BBS4: variants seen among roughly 807,000 people sequenced by gnomAD.
BBS4 encodes the protein Bardet-Biedl syndrome 4, also known as BBSome complex member BBS4.
A neutral mutation model predicts 71.4 loss-of-function variants in BBS4; 58 were observed. The observed-to-expected ratio is 0.81, with a 90% CI of 0.66 to 1.01. BBS4 has a LOEUF of 1.01. BBS4 is among the 50% of genes least tolerant of loss of function. The probability of loss-of-function intolerance (pLI) is 0.00; values close to 1 mark genes in which losing one functional copy is unlikely to be tolerated. For missense variants in BBS4, 660 were observed against 607.9 expected (o/e 1.09, Z -0.90); for synonymous variants, 228 against 216.8 (o/e 1.05, Z -0.46).
intron 3 of BBS4, 81 bp downstream of exon 3, chr15:72,709,860 C>T: frequency 1.8e-6 from 2 of 1,115,610 alleles, no homozygotes; most frequent in Non-Finnish European, 2.7e-6. Flanking sequence ...CAGAGTGTGG[C>T]AGTTTATATC....
chr15:72,720,704 T>G (rs1179933034), intron 6 of BBS4, among the ~76,000 whole-genome samples: 1 of 151,962 alleles, frequency 6.6e-6, no homozygotes, highest in African/African-American at 2.4e-5. Flanking sequence ...AGGTAGTTGC[T>G]GAGCCAGAAC....
intron 1 of BBS4, among the ~76,000 whole-genome samples, chr15:72,688,555 A>G (rs535786470): frequency 1.3e-4 from 20 of 151,516 alleles, no homozygotes; most frequent in African/African-American, 4.8e-4. Flanking sequence ...CTGGGGTTAC[A>G]GGCCCTCACC....
At chr15:72,709,556 A>G (rs2065328019) in intron 2 of BBS4, 144 bp from the exon 3 acceptor site, 6 of 672,546 alleles carry the variant, frequency 8.9e-6, no homozygotes, top group Admixed American at 2.4e-5. Flanking sequence ...TTTTTGATGC[A>G]CTATAATATA....
Position 72,698,452 on chromosome 15 carries a change from C to G in BBS4, c.76+3224C>G, listed in dbSNP as rs116489171. ...CTATTTTCTGTATCTATGAATTTGACTATTCTAGGTTTTTCATGTAAGGTG... is the reference window on the plus strand; with the variant it reads ...CTATTTTCTGTATCTATGAATTTGAGTATTCTAGGTTTTTCATGTAAGGTG... On this transcript the variant is annotated intron_variant, in intron 2 of 15. Coordinates refer to ENST00000268057, the MANE Select transcript of BBS4 (RefSeq NM_033028.5). Among the ~76,000 whole-genome samples the G allele has an allele frequency of 4.4e-3, 673 of 152,230 alleles. 8 individuals are homozygous for G. The highest frequency in any genetic ancestry group is 0.015 in the African/African-American group (631 of 41,538).
Position 72,716,720 on chromosome 15 carries a change from T to C in BBS4, c.333-58T>C. On this transcript the variant is annotated intron_variant, in intron 5 of 15. Transcript: ENST00000268057. The stretch of plus-strand genomic sequence containing the variant: ...AAATATGATTAAAATGTGGGACTAG[T>C]AGGGTTAGTCTTCTAAGAATTTTGA... The C allele has an allele frequency of 6.6e-6, 8 of 1,204,298 alleles. No homozygotes were observed. The South Asian group carries it at 7.6e-5, about 11-fold the overall frequency. The allele number at this position is 1,204,298 out of a possible 1,614,324, so 74.6% of individuals were successfully genotyped here.
intron 6 of BBS4, among the ~76,000 whole-genome samples, chr15:72,718,546 T>C (rs1271694435): frequency 6.6e-6 from 1 of 152,322 alleles, no homozygotes; most frequent in East Asian, 1.9e-4. Context: ...GTGTGTTCAA[T>C]TTGTTAGTCG....
At chr15:72,735,006 T>C (rs1595951834) in intron 12 of BBS4, 107 bp from the exon 13 acceptor site, 2 of 787,278 alleles carry the variant, frequency 2.5e-6, no homozygotes, top group East Asian at 5.1e-5. Context: ...CTTAGTAAAC[T>C]CTGGTGCCAT....
At chr15:72,734,945 T>C (rs1431085465) in intron 12 of BBS4, 168 bp from the exon 13 acceptor site, 1 of 644,288 alleles carries the variant, frequency 1.6e-6, no homozygotes, top group East Asian at 2.9e-5. Context: ...ACCTGGCAAC[T>C]GATTGACTGT....
intron 1 of BBS4, among the ~76,000 whole-genome samples, chr15:72,694,486 T>C (rs1187247111): frequency 6.6e-6 from 1 of 152,228 alleles, no homozygotes; most frequent in African/African-American, 2.4e-5. Context: ...AATCTGGTGA[T>C]ATGTTTTCTT....
chr15:72,688,474 C>A (rs139834553), intron 1 of BBS4, among the ~76,000 whole-genome samples: 1 of 122,308 alleles, frequency 8.2e-6, no homozygotes, highest in Non-Finnish European at 1.6e-5. Context: ...AGTGCAGTGG[C>A]GTGATCTCAG....
chr15:72,713,454 T>C (rs1315930467), intron 4 of BBS4, among the ~76,000 whole-genome samples: 2 of 152,156 alleles, frequency 1.3e-5, no homozygotes, highest in African/African-American at 4.8e-5. Context: ...ATAACATACA[T>C]GGAGCTGTCA....
At chr15:72,725,053 TATATAGAGAG>T (rs961544574) in intron 8 of BBS4, among the ~76,000 whole-genome samples, 27 of 102,876 alleles carry the variant, frequency 2.6e-4, no homozygotes, top group Admixed American at 5.4e-4. Context: ...TATATATATA[TATATAGAGAG>T]AGAGAGAGAG....
Position 72,686,233 on chromosome 15 carries a change from TGAG to T in BBS4, c.10_12del (p.Glu4del). On this transcript the variant is annotated inframe_deletion, in exon 1 of 16. Coordinates refer to ENST00000268057, the MANE Select transcript of BBS4 (RefSeq NM_033028.5). ...CAGCGGTGGGCTGAGCTAAAATGGC[TGAG>T]GAGAGAGTCGCGACGGTGAGCGCCG... is the stretch of plus-strand genomic sequence containing the variant. 1 of 1,565,612 alleles carries T rather than the reference TGAG, an allele frequency of 6.4e-7. No individual in the cohort carries two copies. Among genetic ancestry groups the T allele is most frequent in the Admixed American group, 1.9e-5 (1 of 53,246 alleles).
chr15:72,730,400 C>T (rs1291217976), intron 10 of BBS4, among the ~76,000 whole-genome samples: 1 of 152,066 alleles, frequency 6.6e-6, no homozygotes, highest in Non-Finnish European at 1.5e-5. Flanking sequence ...AGTTCAAGAC[C>T]AGGCTGGGCC....
rs567166098 is a variant in BBS4 at position 72,736,757 on chromosome 15, A to G, written c.1249-5A>G. 1 of 1,614,176 alleles carries G rather than the reference A, an allele frequency of 6.2e-7. No homozygotes were observed. Among genetic ancestry groups the G allele is most frequent in the South Asian group, 1.1e-5 (1 of 91,080 alleles). On this transcript the variant is annotated splice_polypyrimidine_tract_variant and splice_region_variant and intron_variant, in intron 14 of 15. Coordinates refer to ENST00000268057, the MANE Select transcript of BBS4 (RefSeq NM_033028.5). ...TGATTCTTTTACTTCCTTTGTGGAC[A>G]CAAGATGGTGGAGATGGCTCAGAAG... is the stretch of plus-strand genomic sequence containing the variant.
intron 1 of BBS4, among the ~76,000 whole-genome samples, chr15:72,688,134 T>C (rs1452521895): frequency 6.6e-6 from 1 of 150,702 alleles, no homozygotes; most frequent in Non-Finnish European, 1.5e-5. Flanking sequence ...GCTACAAATA[T>C]AGCTTATCCT....
At chr15:72,712,509 A>T (rs563168006) in intron 4 of BBS4, among the ~76,000 whole-genome samples, 9 of 152,368 alleles carry the variant, frequency 5.9e-5, no homozygotes, top group South Asian at 2.1e-4. Flanking sequence ...ACATAGATGG[A>T]TGATATAGTG....
chr15:72,736,905 T>C lies in BBS4; in HGVS notation c.1392T>C (p.Ser464=). The change falls in exon 15 of 16, where the codon TCT becomes TCC. Residue 464 remains serine (S), a synonymous_variant. Transcript: ENST00000268057. ...CCAGTTTCCAGCAGCCTCTGGGCTC[T>C]AATCAAGCTCTAGGACAGGCAATGT... The part of the protein sequence containing the change: ...KPASFQQPLG[S]NQALGQAMSS... The C allele has an allele frequency of 1.2e-6, 2 of 1,614,198 alleles. No homozygotes were observed. The highest frequency in any genetic ancestry group is 1.7e-6 in the Non-Finnish European group (2 of 1,180,032).
chr15:72,726,416 G>T (rs1322906299), intron 8 of BBS4, among the ~76,000 whole-genome samples: 1 of 72,878 alleles, frequency 1.4e-5, no homozygotes, highest in Non-Finnish European at 3.6e-5. Context: ...CCAGCCTTGT[G>T]TTGTTACTTT....
Sources: allele counts gnomAD v4.1 joint callset (sites outside exome capture counted in the v4.1 genomes callset), GRCh38; gene constraint gnomAD v4.1.1; transcripts MANE v1.5; gene names NCBI Gene and HGNC (gene_info 2026-07-23, HGNC 2026-07-21).